Variants in CCNY observed in about 807,000 individuals in gnomAD.
CCNY encodes the protein cyclin Y.
In CCNY, 19 loss-of-function variants were observed where a neutral mutation model predicts 42.8. The observed-to-expected ratio is 0.44, with a 90% confidence interval of 0.31 to 0.65. CCNY has a LOEUF of 0.65. Ranked by LOEUF, CCNY falls within the 30% of genes least tolerant of loss-of-function variation. CCNY has a pLI of 0.07. For missense variants in CCNY, 370 were observed against 437.3 expected (o/e 0.85, Z 1.37); for synonymous variants, 165 against 162.7 (o/e 1.01, Z -0.11).
At position 35,306,964 on chromosome 10, in the gene CCNY, G is replaced by A. The variant is rs1207798084; in HGVS notation, c.-9+56338G>A. Among the ~76,000 whole-genome samples the A allele has an allele frequency of 3.7e-4, 46 of 123,370 alleles. No individual in the cohort carries two copies. The Admixed American group carries it at 3.8e-3, about 10-fold the overall frequency. The allele number at this position is 123,370 out of a possible 152,430, so 80.9% of individuals were successfully genotyped here. A position where few individuals can be genotyped will look rare whatever the true frequency, so the allele number is the denominator to read the frequency against. On this transcript the variant is annotated intron_variant, in intron 3 of 11. Transcript: ENST00000374706. The stretch of plus-strand genomic sequence containing the variant: ...CAAAGATAAGGGTTTCTATCAGTCA[G>A]GGAATCAGTAAGTTCTCTCCTACTC...
At chr10:35,517,313 A>G (rs1052438897) in intron 4 of CCNY, among the ~76,000 whole-genome samples, 2 of 152,230 alleles carry the variant, frequency 1.3e-5, no homozygotes, top group African/African-American at 4.8e-5. Context: ...TTGTACCACT[A>G]GCATTATGGT....
At chr10:35,311,904 T>C (rs1167892087) in intron 3 of CCNY, among the ~76,000 whole-genome samples, 1 of 151,458 alleles carries the variant, frequency 6.6e-6, no homozygotes, top group Admixed American at 6.6e-5. Context: ...GACGATGGCT[T>C]GAACTCAGGA....
At chr10:35,361,179 C>T (rs1221507576) in intron 1 of CCNY, among the ~76,000 whole-genome samples, 1 of 152,160 alleles carries the variant, frequency 6.6e-6, no homozygotes, top group Non-Finnish European at 1.5e-5. Context: ...ATTTATTCAT[C>T]CACTTATTTA....
chr10:35,443,586 T>C (rs1408301073), intron 1 of CCNY, among the ~76,000 whole-genome samples: 1 of 152,204 alleles, frequency 6.6e-6, no homozygotes. Flanking sequence ...AAAGGGACTT[T>C]CCTCGCAGTC....
At chr10:35,472,331 T>C (rs571429860) in intron 1 of CCNY, among the ~76,000 whole-genome samples, 3 of 152,250 alleles carry the variant, frequency 2.0e-5, no homozygotes, top group African/African-American at 7.2e-5. Context: ...TGTGTAATTC[T>C]TTTTCTACTG....
At chr10:35,347,324 A>T in intron 1 of CCNY, 1 of 324,696 alleles carries the variant, frequency 3.1e-6, no homozygotes, top group Non-Finnish European at 4.4e-6. Flanking sequence ...AACTACAATC[A>T]CATCCGTGCC....
At chr10:35,356,777 A>G (rs1021689214) in intron 1 of CCNY, among the ~76,000 whole-genome samples, 1 of 152,124 alleles carries the variant, frequency 6.6e-6, no homozygotes, top group Non-Finnish European at 1.5e-5. Flanking sequence ...ACTGTGATCC[A>G]TTCTCTTAAA....
chr10:35,502,831 T>C (rs1282534064), intron 3 of CCNY, among the ~76,000 whole-genome samples: 1 of 152,160 alleles, frequency 6.6e-6, no homozygotes, highest in Non-Finnish European at 1.5e-5. Flanking sequence ...TGCTTCCATT[T>C]CTTTGCCTGC....
intron 3 of CCNY, among the ~76,000 whole-genome samples, chr10:35,289,762 T>A (rs1835390352): frequency 6.6e-6 from 1 of 151,138 alleles, no homozygotes; most frequent in African/African-American, 2.4e-5. Flanking sequence ...TAGTTCCAGC[T>A]ACTTGGGGAT....
chr10:35,538,980 C>G (rs1275583743), intron 7 of CCNY, among the ~76,000 whole-genome samples: 2 of 152,144 alleles, frequency 1.3e-5, no homozygotes, highest in Admixed American at 6.5e-5. Flanking sequence ...CACATTCGTT[C>G]TTGTGCATTT....
intron 3 of CCNY, among the ~76,000 whole-genome samples, chr10:35,264,909 C>T (rs12254043): frequency 0.34 from 50,934 of 151,948 alleles, 9,311 homozygotes; most frequent in African/African-American, 0.49. Context: ...GATTACAGGC[C>T]TGAGCCACCG....
At chr10:35,412,378 A>T (rs977204115) in intron 1 of CCNY, among the ~76,000 whole-genome samples, 8 of 152,214 alleles carry the variant, frequency 5.3e-5, no homozygotes, top group African/African-American at 1.7e-4. Flanking sequence ...AACTCAGTAT[A>T]GAAGGACAGA....
At chr10:35,372,023 C>T (rs1836947950) in intron 1 of CCNY, among the ~76,000 whole-genome samples, 1 of 152,216 alleles carries the variant, frequency 6.6e-6, no homozygotes, top group African/African-American at 2.4e-5. Flanking sequence ...GGGCAGACCA[C>T]TCCTGTGTGA....
intron 1 of CCNY, among the ~76,000 whole-genome samples, chr10:35,416,159 C>CTGTGTGTG (rs1564402655): frequency 4.4e-4 from 53 of 119,890 alleles, no homozygotes; most frequent in African/African-American, 1.9e-3. Context: ...CTTGTGGCAC[C>CTGTGTGTG]CGTGTGTGTG....
chr10:35,494,236 C>A (rs867257051), intron 2 of CCNY, among the ~76,000 whole-genome samples: 1 of 131,162 alleles, frequency 7.6e-6, no homozygotes, highest in East Asian at 2.3e-4. Context: ...ATAGTGAGAC[C>A]CCCCCCCCCA....
At chr10:35,355,578 T>C (rs991430586) in intron 1 of CCNY, among the ~76,000 whole-genome samples, 8 of 145,132 alleles carry the variant, frequency 5.5e-5, no homozygotes, top group Admixed American at 4.4e-4. Context: ...CTCGGGAGGC[T>C]GAGGCAGAAG....
intron 3 of CCNY, among the ~76,000 whole-genome samples, chr10:35,307,727 T>C (rs1039161927): frequency 4.7e-5 from 7 of 148,850 alleles, no homozygotes; most frequent in African/African-American, 1.7e-4. Flanking sequence ...CACACACACA[T>C]ATATGTATAT....
intron 1 of CCNY, among the ~76,000 whole-genome samples, chr10:35,360,278 CTTTTCTTTTCT>C (rs1836653268): frequency 8.2e-6 from 1 of 122,122 alleles, no homozygotes; most frequent in South Asian, 2.8e-4. Context: ...TTTTTCCTTT[CTTTTCTTTTCT>C]TTTTTTTTTT....
intron 3 of CCNY, among the ~76,000 whole-genome samples, chr10:35,514,075 C>CAA (rs11451104): frequency 0.077 from 5,833 of 75,830 alleles, 491 homozygotes; most frequent in African/African-American, 0.12. Flanking sequence ...AGGACCAGTT[C>CAA]AAAAAAAAAA....
Sources: allele counts gnomAD v4.1 joint callset (sites outside exome capture counted in the v4.1 genomes callset), GRCh38; gene constraint gnomAD v4.1.1; transcripts MANE v1.5; gene names NCBI Gene and HGNC (gene_info 2026-07-23, HGNC 2026-07-21).